RAP1A: variants seen among roughly 807,000 people sequenced by gnomAD.
RAP1A encodes the protein ras-related protein Rap-1A.
Under a neutral mutation model 26.4 loss-of-function variants are expected in RAP1A, and 6 were observed. The observed-to-expected ratio is 0.23, with a 90% CI of 0.12 to 0.45. RAP1A has a LOEUF of 0.45. Among genes scored for constraint, RAP1A ranks in the 20% least tolerant of loss-of-function variants. RAP1A has a pLI of 0.99. For synonymous variants in RAP1A, 73 were observed against 79.4 expected (o/e 0.92, Z 0.43); for missense variants, 121 against 217.2 (o/e 0.56, Z 2.78).
At chr1:111,621,997 A>C (rs568745779) in intron 1 of RAP1A, among the ~76,000 whole-genome samples, 106 of 152,366 alleles carry the variant, frequency 7.0e-4, no homozygotes, top group African/African-American at 2.5e-3. Flanking sequence ...ATATTCCAAA[A>C]GAAAGAAAAT....
At chr1:111,690,505 A>G (rs1661636388) in intron 1 of RAP1A, among the ~76,000 whole-genome samples, 1 of 152,252 alleles carries the variant, frequency 6.6e-6, no homozygotes, top group Non-Finnish European at 1.5e-5. Context: ...GCCTCTAGGC[A>G]GAAAGCCAGG....
intron 6 of RAP1A, among the ~76,000 whole-genome samples, chr1:111,708,335 T>C (rs1240009570): frequency 1.3e-5 from 2 of 152,354 alleles, no homozygotes; most frequent in African/African-American, 4.8e-5. Flanking sequence ...AGACAGTATC[T>C]CTTTTGTCCT....
intron 3 of RAP1A, among the ~76,000 whole-genome samples, chr1:111,696,762 C>A (rs1022352872): frequency 2.6e-5 from 4 of 152,166 alleles, no homozygotes; most frequent in African/African-American, 9.6e-5. Context: ...ATAGTTGATA[C>A]TTTCATTAGA....
Position 111,714,203 on chromosome 1 carries a change from A to G in RAP1A, c.*1802A>G, listed in dbSNP as rs1251603699. ...GTTACCTTACACTTCCCTTCTACTT[A>G]TCCAATTATGCATATGTCTGGGATT... On this transcript the variant is annotated 3_prime_UTR_variant, in exon 8 of 8. Transcript: ENST00000369709. 1 of 152,192 alleles carries G rather than the reference A, an allele frequency of 6.6e-6. No individual in the cohort carries two copies. The highest frequency in any genetic ancestry group is 2.4e-5 in the African/African-American group (1 of 41,446). The allele number at this position is 152,192 out of a possible 1,614,324, so 9.4% of individuals were successfully genotyped here. A position where few individuals can be genotyped will look rare whatever the true frequency, so the allele number is the denominator to read the frequency against.
chr1:111,661,800 GAAA>G (rs11322950), intron 1 of RAP1A, among the ~76,000 whole-genome samples: 6 of 102,878 alleles, frequency 5.8e-5, no homozygotes, highest in East Asian at 5.7e-4. Flanking sequence ...CTCCGTCCCA[GAAA>G]AAAAAAAAAA....
At chr1:111,635,862 T>C (rs532905251) in intron 1 of RAP1A, among the ~76,000 whole-genome samples, 2 of 152,212 alleles carry the variant, frequency 1.3e-5, no homozygotes, top group East Asian at 3.9e-4. Context: ...TGTGAGCCAC[T>C]GTGCCTGGCC....
upstream of RAP1A, among the ~76,000 whole-genome samples, chr1:111,615,203 G>T (rs576909603): frequency 3.0e-4 from 46 of 152,146 alleles, no homozygotes; most frequent in Non-Finnish European, 5.4e-4. Context: ...GTGCCAGATT[G>T]AGCAGTTTGT....
At chr1:111,581,905 T>C (rs1031267262) in intron 1 of RAP1A, among the ~76,000 whole-genome samples, 2 of 152,238 alleles carry the variant, frequency 1.3e-5, no homozygotes, top group African/African-American at 4.8e-5. Flanking sequence ...GTTGTGTGAT[T>C]TAATATACAC....
chr1:111,600,755 C>T (rs1281425658), intron 1 of RAP1A, among the ~76,000 whole-genome samples: 1 of 152,184 alleles, frequency 6.6e-6, no homozygotes, highest in Non-Finnish European at 1.5e-5. Flanking sequence ...CTGAAAGACT[C>T]CTTTATCCCA....
At chr1:111,668,890 C>T (rs1660882404) in intron 1 of RAP1A, among the ~76,000 whole-genome samples, 2 of 151,556 alleles carry the variant, frequency 1.3e-5, no homozygotes, top group South Asian at 4.2e-4. Flanking sequence ...ATTAGCTGGG[C>T]ATGGTGGTGT....
intron 1 of RAP1A, among the ~76,000 whole-genome samples, chr1:111,568,258 C>T (rs1193619463): frequency 2.0e-5 from 3 of 152,168 alleles, no homozygotes; most frequent in Non-Finnish European, 4.4e-5. Context: ...GCAGGCTGTA[C>T]AGGAAGCATG....
At chr1:111,566,094 C>T (rs1313426805) in intron 1 of RAP1A, among the ~76,000 whole-genome samples, 3 of 151,904 alleles carry the variant, frequency 2.0e-5, no homozygotes, top group Non-Finnish European at 2.9e-5. Flanking sequence ...CTGAAGGTCT[C>T]GTGTGTTATT....
At chr1:111,551,813 G>A (rs1292785721) in intron 1 of RAP1A, among the ~76,000 whole-genome samples, 1 of 150,246 alleles carries the variant, frequency 6.7e-6, no homozygotes. Flanking sequence ...AACTTTATTG[G>A]GGCATGCCTT....
intron 1 of RAP1A, among the ~76,000 whole-genome samples, chr1:111,625,931 C>G (rs1659385359): frequency 6.6e-6 from 1 of 152,134 alleles, no homozygotes; most frequent in African/African-American, 2.4e-5. Flanking sequence ...CGTGTGCCAC[C>G]ACAGTTAATT....
At chr1:111,613,402 T>C (rs896237517) in intron 1 of RAP1A, among the ~76,000 whole-genome samples, 5 of 152,108 alleles carry the variant, frequency 3.3e-5, no homozygotes, top group African/African-American at 1.2e-4. Flanking sequence ...GGTTTCACCG[T>C]GTTAGCTAGG....
chr1:111,666,128 T>C (rs928677664), intron 1 of RAP1A, among the ~76,000 whole-genome samples: 4 of 152,302 alleles, frequency 2.6e-5, no homozygotes, highest in Middle Eastern at 3.4e-3. Flanking sequence ...AGGAAAGATA[T>C]AATTTTGTAT....
chr1:111,571,110 C>G (rs562687873), intron 1 of RAP1A, among the ~76,000 whole-genome samples: 1 of 152,328 alleles, frequency 6.6e-6, no homozygotes, highest in South Asian at 2.1e-4. Context: ...ATGACTCCCC[C>G]TCAGGTTTAA....
At chr1:111,684,790 T>A (rs953816534) in intron 1 of RAP1A, among the ~76,000 whole-genome samples, 1 of 152,050 alleles carries the variant, frequency 6.6e-6, no homozygotes, top group East Asian at 1.9e-4. Context: ...TACTTCAAAT[T>A]TCATATGGAA....
At chr1:111,637,113 A>G (rs940105156) in intron 1 of RAP1A, among the ~76,000 whole-genome samples, 1 of 152,154 alleles carries the variant, frequency 6.6e-6, no homozygotes, top group Non-Finnish European at 1.5e-5. Context: ...ATTTATCTCC[A>G]TATTTTCATT....
Sources: allele counts gnomAD v4.1 joint callset (sites outside exome capture counted in the v4.1 genomes callset), GRCh38; gene constraint gnomAD v4.1.1; transcripts MANE v1.5; gene names NCBI Gene and HGNC (gene_info 2026-07-23, HGNC 2026-07-21).